GNG5: variants seen among roughly 807,000 people sequenced by gnomAD.
The protein encoded by GNG5 is G protein subunit gamma 5.
GNG5 carries 2 observed loss-of-function variants against 6.2 expected under a neutral mutation model. The observed-to-expected ratio is 0.32, with a 90% CI of 0.13 to 1.01. The LOEUF is 1.01. GNG5 is among the 50% of genes least tolerant of loss of function. GNG5 has a pLI of 0.48. For synonymous variants in GNG5, 24 were observed against 33.0 expected (o/e 0.73, Z 0.93); for missense variants, 57 against 80.2 (o/e 0.71, Z 1.10).
chr1:84,502,014 A>G lies in GNG5; in HGVS notation c.82-44T>C, dbSNP rs755441068. 1.3e-6 allele frequency: 2 copies of G among 1,508,760 alleles called. 1 individual carries two copies. Among genetic ancestry groups the G allele is most frequent in the South Asian group, 2.3e-5 (2 of 87,138 alleles). 93.5% of individuals were successfully genotyped at this position (1,508,760 alleles called of 1,614,324 possible). ...GGGGGAAGTGCCAGATGGTGAGAAC[A>G]TTTTAATGAAGGTTTTCTCAATCTT... On this transcript the variant is annotated intron_variant, in intron 2 of 3. Transcript: ENST00000370645.
At chr1:84,505,800 G>A (rs1234037683) in intron 2 of GNG5, among the ~76,000 whole-genome samples, 1 of 152,220 alleles carries the variant, frequency 6.6e-6, no homozygotes, top group Non-Finnish European at 1.5e-5. Context: ...TGGGGCGGAA[G>A]GGCGAACTAA....
intron 2 of GNG5, among the ~76,000 whole-genome samples, chr1:84,504,629 A>C (rs1045357743): frequency 2.8e-4 from 43 of 152,170 alleles, no homozygotes; most frequent in African/African-American, 1.0e-3. Context: ...AATGATTTCG[A>C]GTTTCAGAGC....
chr1:84,504,844 A>C (rs1682134384), intron 2 of GNG5, among the ~76,000 whole-genome samples: 1 of 152,218 alleles, frequency 6.6e-6, no homozygotes, highest in South Asian at 2.1e-4. Flanking sequence ...TCTAGTTAAC[A>C]AAACTAAATG....
At chr1:84,505,209 T>A (rs955885376) in intron 2 of GNG5, among the ~76,000 whole-genome samples, 4 of 152,236 alleles carry the variant, frequency 2.6e-5, no homozygotes, top group African/African-American at 7.2e-5. Context: ...AATGTCAAGT[T>A]ATTCTATCAA....
At chr1:84,505,904 G>A in intron 2 of GNG5, 107 bp downstream of exon 2, 1 of 771,068 alleles carries the variant, frequency 1.3e-6, no homozygotes, top group Non-Finnish European at 1.8e-6. Context: ...TCCTCTCCAG[G>A]GGAAGCGAGG....
Position 84,506,128 on chromosome 1 carries a change from G to A in GNG5, c.-37C>T, listed in dbSNP as rs1167224024. The stretch of plus-strand genomic sequence containing the variant: ...CGGCCGGGCCGATTCGTGGGTCGGT[G>A]GGTCGTGGGCCGTGGGTCGGCGGGG... On this transcript the variant is annotated 5_prime_UTR_variant, in exon 2 of 4. Coordinates refer to ENST00000370645, the MANE Select transcript of GNG5 (RefSeq NM_005274.3). The A allele has an allele frequency of 1.3e-6, 2 of 1,557,788 alleles. No individual in the cohort carries two copies. The highest frequency in any genetic ancestry group is 2.6e-5 in the East Asian group (1 of 39,142).
Position 84,506,312 on chromosome 1 carries a change from GGGA to G in GNG5, c.-210-14_-210-12del. The G allele has an allele frequency of 2.5e-6, 1 of 406,288 alleles. No homozygotes were observed. Among genetic ancestry groups the G allele is most frequent in the Non-Finnish European group, 4.4e-6 (1 of 225,960 alleles). The allele number at this position is 406,288 out of a possible 1,614,324, so 25.2% of individuals were successfully genotyped here. A position where few individuals can be genotyped will look rare whatever the true frequency, so the allele number is the denominator to read the frequency against. The stretch of plus-strand genomic sequence containing the variant: ...GCCCCGAGCGCGAGCCTGGAGGAGG[GGGA>G]GGAGAAGGGGCGGAGCAGTCGGTGG... On this transcript the variant is annotated splice_polypyrimidine_tract_variant and intron_variant, in intron 1 of 3. Coordinates refer to ENST00000370645, the MANE Select transcript of GNG5 (RefSeq NM_005274.3).
At chr1:84,498,576 G>T (rs151312092) in intron 3 of GNG5, 28 bp from the exon 4 acceptor site, 1,659 of 150,090 alleles carry the variant, frequency 0.011, 18 homozygotes, top group South Asian at 0.018. Context: ...AAAAAAAGGT[G>T]AGTTAGGGTA....
intron 3 of GNG5, among the ~76,000 whole-genome samples, chr1:84,500,609 A>C (rs1389775443): frequency 6.6e-6 from 1 of 152,248 alleles, no homozygotes; most frequent in Non-Finnish European, 1.5e-5. Context: ...GAAACAAAGG[A>C]TATTATAATA....
At chr1:84,503,318 A>G (rs1312168301) in intron 2 of GNG5, among the ~76,000 whole-genome samples, 1 of 152,144 alleles carries the variant, frequency 6.6e-6, no homozygotes, top group Non-Finnish European at 1.5e-5. Context: ...GGGAATTAAT[A>G]GCATCACAAA....
chr1:84,499,266 A>G (rs1187889578), intron 3 of GNG5, among the ~76,000 whole-genome samples: 1 of 152,232 alleles, frequency 6.6e-6, no homozygotes, highest in Non-Finnish European at 1.5e-5. Flanking sequence ...TCTGTGACAA[A>G]AATGTTGAAA....
chr1:84,505,909 G>T, intron 2 of GNG5, 102 bp downstream of exon 2: 1 of 813,654 alleles, frequency 1.2e-6, no homozygotes, highest in Non-Finnish European at 1.7e-6. Context: ...TCCAGGGGAA[G>T]CGAGGGCCGG....
intron 1 of GNG5, 62 bp from the exon 2 acceptor site, chr1:84,506,363 G>T (rs1486808822): frequency 5.9e-6 from 2 of 338,210 alleles, no homozygotes; most frequent in Non-Finnish European, 1.1e-5. Context: ...CTGGAGGCTA[G>T]CGCGACCCGA....
In GNG5 at chr1:84,501,988, G is replaced by C. The variant is rs368688263; in HGVS notation, c.82-18C>G. ...TGGGAAACCTATACATAACAAAGAG[G>C]GGGGGAAGTGCCAGATGGTGAGAAC... On this transcript the variant is annotated intron_variant, in intron 2 of 3. Coordinates refer to ENST00000370645, the MANE Select transcript of GNG5 (RefSeq NM_005274.3). 3.1e-5 allele frequency: 49 copies of C among 1,600,424 alleles called. No homozygotes were observed. Among genetic ancestry groups the C allele is most frequent in the East Asian group, 1.6e-4 (7 of 44,738 alleles).
At chr1:84,500,465 C>T (rs1162662126) in intron 3 of GNG5, among the ~76,000 whole-genome samples, 1 of 151,970 alleles carries the variant, frequency 6.6e-6, no homozygotes, top group African/African-American at 2.4e-5. Flanking sequence ...AACAGCTGCC[C>T]AGTATTTTAT....
chr1:84,503,845 G>A (rs1337855673), intron 2 of GNG5: 1 of 152,228 alleles, frequency 6.6e-6, no homozygotes, highest in Non-Finnish European at 1.5e-5. Flanking sequence ...CTTTTAGATG[G>A]TGACTGGGTG....
chr1:84,500,898 T>C lies in GNG5; in HGVS notation c.*19+928A>G, dbSNP rs77952848. Among the ~76,000 whole-genome samples, 776 of 152,288 alleles carry C rather than the reference T, an allele frequency of 5.1e-3. 7 individuals carry two copies. Among genetic ancestry groups the C allele is most frequent in the African/African-American group, 0.018 (744 of 41,568 alleles). The stretch of plus-strand genomic sequence containing the variant: ...AAGTTAGTAAGGGGTGTGTGCCATA[T>C]ACAAAATCTTTTTTAAAAAAGTACT... On this transcript the variant is annotated intron_variant, in intron 3 of 3. Transcript: ENST00000370645.
chr1:84,501,002 C>G (rs982233982), intron 3 of GNG5, among the ~76,000 whole-genome samples: 3 of 152,136 alleles, frequency 2.0e-5, no homozygotes, highest in Non-Finnish European at 4.4e-5. Context: ...TTATAAAAGG[C>G]AGCACCCTTC....
At chr1:84,504,770 G>A (rs1682131544) in intron 2 of GNG5, among the ~76,000 whole-genome samples, 2 of 152,212 alleles carry the variant, frequency 1.3e-5, no homozygotes, top group Admixed American at 6.5e-5. Context: ...CCCACACCAA[G>A]ACGAATGAGA....
Sources: allele counts gnomAD v4.1 joint callset (sites outside exome capture counted in the v4.1 genomes callset), GRCh38; gene constraint gnomAD v4.1.1; transcripts MANE v1.5; gene names NCBI Gene and HGNC (gene_info 2026-07-23, HGNC 2026-07-21).